STK32B: variants seen among roughly 807,000 people sequenced by gnomAD.
STK32B encodes the protein serine/threonine-protein kinase 32B.
STK32B carries 43 observed loss-of-function variants against 52.6 expected under a neutral mutation model. The observed-to-expected ratio is 0.82, with a 90% CI of 0.64 to 1.05. The LOEUF is 1.05. STK32B is among the 50% of genes least tolerant of loss of function. The pLI, the probability that STK32B is intolerant of heterozygous loss-of-function variation, is 0.00. For missense variants in STK32B, 621 were observed against 534.6 expected (o/e 1.16, Z -1.59); for synonymous variants, 238 against 204.3 (o/e 1.17, Z -1.41).
At chr4:5,032,502 GAAGA>G in the STK32B span, among the ~76,000 whole-genome samples, 4 of 100,016 alleles carry the variant, frequency 4.0e-5, no homozygotes, top group African/African-American at 7.5e-5. Flanking sequence ...AAAAAAAAAA[GAAGA>G]AAGAGAAAGA....
chr4:5,345,787 C>T (rs2108977508), intron 4 of STK32B, among the ~76,000 whole-genome samples: 1 of 152,360 alleles, frequency 6.6e-6, no homozygotes, highest in Admixed American at 6.5e-5. Context: ...AATTGATCTG[C>T]TATCCAAGCT....
chr4:5,326,827 C>G lies in STK32B; in HGVS notation c.261-4393C>G, dbSNP rs563963149. On this transcript the variant is annotated intron_variant, in intron 3 of 11. Coordinates refer to ENST00000282908, the MANE Select transcript of STK32B (RefSeq NM_018401.3). ...AATAAGAAAACAATGAAGCTTTCCA[C>G]GATGATGGAGTCTTCACTTCATGAA... Among the ~76,000 whole-genome samples, 155 of 152,244 alleles carry G rather than the reference C, an allele frequency of 1.0e-3. 1 individual carries two copies. Among genetic ancestry groups the G allele is most frequent in the African/African-American group, 3.6e-3 (150 of 41,550 alleles).
At chr4:5,278,444 C>G (rs2108867088) in intron 3 of STK32B, among the ~76,000 whole-genome samples, 1 of 152,210 alleles carries the variant, frequency 6.6e-6, no homozygotes, top group East Asian at 1.9e-4. Flanking sequence ...GGAGTATGAA[C>G]TGAAACTGCC....
chr4:5,493,950 G>C (rs1719971489), intron 11 of STK32B, among the ~76,000 whole-genome samples: 1 of 152,248 alleles, frequency 6.6e-6, no homozygotes, highest in African/African-American at 2.4e-5. Context: ...GAGACAGTTT[G>C]TTATAATTTC....
At chr4:5,416,712 A>T in intron 5 of STK32B, 133 bp from the exon 6 acceptor site, 1 of 623,156 alleles carries the variant, frequency 1.6e-6, no homozygotes, top group East Asian at 2.9e-5. Context: ...TTTTTAAAGT[A>T]TCAGATACGA....
At position 5,499,306 on chromosome 4, in the gene STK32B, A is replaced by G; in HGVS notation, c.*223A>G. On this transcript the variant is annotated 3_prime_UTR_variant, in exon 12 of 12. Coordinates refer to ENST00000282908, the MANE Select transcript of STK32B (RefSeq NM_018401.3). ...CCCTCTCTGTGCCTCCGTTTTCTGC[A>G]TCTGCCAAAGGGGTTAAACACTTCT... 2.1e-6 allele frequency: 1 copy of G among 485,268 alleles called. No individual in the cohort carries two copies. Among genetic ancestry groups the G allele is most frequent in the Non-Finnish European group, 3.4e-6 (1 of 296,962 alleles). 30.1% of individuals were successfully genotyped at this position (485,268 alleles called of 1,614,324 possible).
chr4:5,111,918 G>A (rs1468716575), intron 1 of STK32B, among the ~76,000 whole-genome samples: 1 of 152,132 alleles, frequency 6.6e-6, no homozygotes, highest in African/African-American at 2.4e-5. Context: ...GGAAGGGAAA[G>A]CAGCAAATAA....
intron 3 of STK32B, chr4:5,203,992 C>G (rs551104823): frequency 1.3e-5 from 2 of 152,228 alleles, no homozygotes; most frequent in Non-Finnish European, 2.9e-5. Flanking sequence ...AGCACAAAGT[C>G]ATAATGCATT....
At position 5,406,444 on chromosome 4, in the gene STK32B, G is replaced by A. The variant is rs146468971; in HGVS notation, c.472+8200G>A. Among the ~76,000 whole-genome samples the A allele has an allele frequency of 6.9e-3, 1,055 of 152,180 alleles. 8 individuals carry two copies. The highest frequency in any genetic ancestry group is 0.011 in the Non-Finnish European group (748 of 68,004). On this transcript the variant is annotated intron_variant, in intron 5 of 11. Coordinates refer to ENST00000282908, the MANE Select transcript of STK32B (RefSeq NM_018401.3). ...GTGCCCCAGTGGGGACTTTCTGTGG[G>A]GGCTCCAACCCCACATTTCCCCTTC...
rs1373787317 is a variant in STK32B, at chr4:5,500,973, A to ATAAAC, written c.*1893_*1897dup. On this transcript the variant is annotated 3_prime_UTR_variant, in exon 12 of 12. Coordinates refer to ENST00000282908, the MANE Select transcript of STK32B (RefSeq NM_018401.3). ...TTCAAGTTGGCATTTCTTGTTTGGAATAAACTATTTCTTGGACATTCCTTC... is the reference window on the plus strand; with the variant it reads ...TTCAAGTTGGCATTTCTTGTTTGGAATAAACTAAACTATTTCTTGGACATTCCTTC... 1 of 152,158 alleles carries ATAAAC rather than the reference A, an allele frequency of 6.6e-6. No individual in the cohort carries two copies. Among genetic ancestry groups the ATAAAC allele is most frequent in the Non-Finnish European group, 1.5e-5 (1 of 68,026 alleles). 9.4% of individuals were successfully genotyped at this position (152,158 alleles called of 1,614,324 possible).
the STK32B span, among the ~76,000 whole-genome samples, chr4:5,040,868 A>G: frequency 6.6e-6 from 1 of 152,208 alleles, no homozygotes; most frequent in Admixed American, 6.5e-5. Flanking sequence ...CTCCTAGGCT[A>G]CAAACCTGTG....
At chr4:5,290,419 T>C (rs924648745) in intron 3 of STK32B, among the ~76,000 whole-genome samples, 1 of 152,170 alleles carries the variant, frequency 6.6e-6, no homozygotes, top group African/African-American at 2.4e-5. Context: ...TTTTAAACTT[T>C]TTTGTTAAAT....
intron 6 of STK32B, among the ~76,000 whole-genome samples, chr4:5,420,048 C>T (rs540983746): frequency 6.6e-6 from 1 of 152,196 alleles, no homozygotes; most frequent in African/African-American, 2.4e-5. Flanking sequence ...TTAATGCCCT[C>T]GAACATGAAA....
intron 3 of STK32B, among the ~76,000 whole-genome samples, chr4:5,210,978 A>G (rs971319216): frequency 6.6e-6 from 1 of 151,854 alleles, no homozygotes; most frequent in South Asian, 2.1e-4. Flanking sequence ...AAATTTGTGT[A>G]GAGATGGGGT....
the STK32B span, among the ~76,000 whole-genome samples, chr4:5,043,112 CAAAAAAA>C: frequency 2.7e-5 from 2 of 74,368 alleles, no homozygotes; most frequent in African/African-American, 1.1e-4. Flanking sequence ...GACTCCGTCT[CAAAAAAA>C]AAAAAAAAAA....
chr4:5,047,285 C>T (rs1295947947), upstream of STK32B, among the ~76,000 whole-genome samples: 1 of 148,224 alleles, frequency 6.7e-6, no homozygotes, highest in Non-Finnish European at 1.5e-5. Flanking sequence ...GGGAGCTGAA[C>T]AATGAGAACA....
intron 3 of STK32B, among the ~76,000 whole-genome samples, chr4:5,218,441 T>C (rs1723315351): frequency 6.6e-6 from 1 of 152,180 alleles, no homozygotes. Context: ...ATATTTCAGA[T>C]ATATTTAGAG....
intron 1 of STK32B, among the ~76,000 whole-genome samples, chr4:5,077,184 G>A (rs372585839): frequency 2.3e-4 from 35 of 152,240 alleles, no homozygotes; most frequent in African/African-American, 4.8e-4. Context: ...AATATTTGTC[G>A]AATGAATAAA....
intron 3 of STK32B, among the ~76,000 whole-genome samples, chr4:5,261,125 G>A (rs996696947): frequency 5.9e-5 from 9 of 152,220 alleles, no homozygotes; most frequent in Admixed American, 2.6e-4. Context: ...GCTGGGGGGC[G>A]AGCCTGCAGT....
Sources: allele counts gnomAD v4.1 joint callset (sites outside exome capture counted in the v4.1 genomes callset), GRCh38; gene constraint gnomAD v4.1.1; transcripts MANE v1.5; gene names NCBI Gene and HGNC (gene_info 2026-07-23, HGNC 2026-07-21).